Variants in SIL1 observed in about 807,000 individuals in gnomAD.
SIL1 encodes the protein SIL1 nucleotide exchange factor.
Under a neutral mutation model 49.1 loss-of-function variants are expected in SIL1, and 40 were observed. The observed-to-expected ratio is 0.81, with a 90% CI of 0.63 to 1.06. The LOEUF is 1.06. Among genes scored for constraint, SIL1 ranks in the 50% least tolerant of loss-of-function variants. SIL1 has a pLI of 0.00. For missense variants in SIL1, 500 were observed against 572.6 expected (o/e 0.87, Z 1.29); for synonymous variants, 253 against 250.8 (o/e 1.01, Z -0.08).
chr5:139,118,464 G>A (rs932845895), intron 3 of SIL1, among the ~76,000 whole-genome samples: 1 of 152,122 alleles, frequency 6.6e-6, no homozygotes, highest in African/African-American at 2.4e-5. Context: ...CAGCAGGCAG[G>A]GCAGGACACT....
Position 139,051,003 on chromosome 5 carries a change from C to A in SIL1, c.288G>T (p.Gln96His), listed in dbSNP as rs368830878. The A allele has an allele frequency of 5.0e-6, 8 of 1,614,162 alleles. No individual in the cohort carries two copies. The Admixed American group carries it at 1.0e-4, about 20-fold the overall frequency. Residue 96 changes from glutamine (Q) to histidine (H), a missense_variant, in exon 4 of 10, where the codon CAG becomes CAT. Gln to His is a conservative substitution (Grantham distance 24). Coordinates refer to ENST00000394817, the MANE Select transcript of SIL1 (RefSeq NM_022464.5). ...PAGSHVRLNL[Q>H]TGEREAKLQY... ...GGAGTTTTGCCTCTCTTTCCCCAGT[C>A]TGAAGATTCAGCCGTACGTGGGATC...
chr5:139,108,214 G>A (rs1483492795), intron 3 of SIL1: 1 of 152,098 alleles, frequency 6.6e-6, no homozygotes, highest in Non-Finnish European at 1.5e-5. Context: ...GCACCTTCCT[G>A]GATTAAGGGT....
chr5:138,946,940 CGGCCACAGGGCTGTGCCCA>C lies in SIL1; in HGVS notation c.*158_*176del, dbSNP rs1766641802. The C allele has an allele frequency of 1.5e-6, 1 of 645,554 alleles. No individual in the cohort carries two copies. 40.0% of individuals were successfully genotyped at this position (645,554 alleles called of 1,614,324 possible). A position where few individuals can be genotyped will look rare whatever the true frequency, so the allele number is the denominator to read the frequency against. Reference sequence around the variant, plus strand: ...TCACCCAACCACTCACCTGACCCCCCGGCCACAGGGCTGTGCCCAGTCTACACAGACACACAGCAGAAAG... The same window carrying C: ...TCACCCAACCACTCACCTGACCCCCCGTCTACACAGACACACAGCAGAAAG... On this transcript the variant is annotated 3_prime_UTR_variant, in exon 10 of 10. Coordinates refer to ENST00000394817, the MANE Select transcript of SIL1 (RefSeq NM_022464.5).
intron 1 of SIL1, among the ~76,000 whole-genome samples, chr5:139,192,756 G>T (rs1193510282): frequency 2.0e-5 from 3 of 152,002 alleles, no homozygotes; most frequent in African/African-American, 4.8e-5. Flanking sequence ...CCAGTACTTT[G>T]GGAGACCGAG....
At position 139,042,649 on chromosome 5, in the gene SIL1, C is replaced by G. The variant is rs142987777; in HGVS notation, c.424G>C (p.Ala142Pro). 2.4e-5 allele frequency: 39 copies of G among 1,614,030 alleles called. No homozygotes were observed. In the African/African-American group the frequency reaches 4.9e-4, roughly 20 times the overall value. The change falls in exon 5 of 10, where the codon GCA becomes CCA. Residue 142 changes from alanine (A) to proline (P), a missense_variant. Coordinates refer to ENST00000394817, the MANE Select transcript of SIL1 (RefSeq NM_022464.5). ...TCTTCCTTTGAACTCTCCATCTCTG[C>G]CCCCTCCTTGAATTTTGCCAGTGCA... The part of the protein sequence containing the change: ...KSALAKFKEG[A>P]EMESSKEDKA...
At chr5:139,132,934 T>G (rs1438701341) in intron 1 of SIL1, among the ~76,000 whole-genome samples, 1 of 152,050 alleles carries the variant, frequency 6.6e-6, no homozygotes, top group Non-Finnish European at 1.5e-5. Flanking sequence ...CTGGCATAAG[T>G]AAAGCCAAAG....
intron 1 of SIL1, among the ~76,000 whole-genome samples, chr5:139,197,268 C>CAAAAA (rs11363617): frequency 8.5e-5 from 5 of 58,810 alleles, no homozygotes; most frequent in African/African-American, 1.4e-4. Flanking sequence ...AACTCCGCCT[C>CAAAAA]AAAAAAAAAA....
At chr5:138,952,111 C>G (rs1766794122) in intron 7 of SIL1, among the ~76,000 whole-genome samples, 1 of 152,234 alleles carries the variant, frequency 6.6e-6, no homozygotes. Flanking sequence ...CCATGCCAGC[C>G]CCCACTCCCC....
intron 3 of SIL1, among the ~76,000 whole-genome samples, chr5:139,082,340 G>C (rs967325366): frequency 6.6e-6 from 1 of 152,168 alleles, no homozygotes; most frequent in African/African-American, 2.4e-5. Context: ...CTCTGTGTCT[G>C]AGCCAGTGTG....
chr5:139,191,212 ACT>A (rs1463475059), intron 1 of SIL1, among the ~76,000 whole-genome samples: 2 of 125,432 alleles, frequency 1.6e-5, no homozygotes, highest in Non-Finnish European at 3.3e-5. Flanking sequence ...TGACAGTGAG[ACT>A]CTGTCTCAAA....
At chr5:138,994,774 G>T (rs922979725) in intron 7 of SIL1, among the ~76,000 whole-genome samples, 2 of 152,136 alleles carry the variant, frequency 1.3e-5, no homozygotes, top group African/African-American at 4.8e-5. Context: ...TGCCATGGTG[G>T]TTTGCTGCAC....
intron 3 of SIL1, among the ~76,000 whole-genome samples, chr5:139,052,183 G>A (rs911098606): frequency 3.3e-5 from 5 of 151,496 alleles, no homozygotes; most frequent in Non-Finnish European, 7.4e-5. Context: ...ACCAGTTCTC[G>A]CAATTCTGGG....
At position 139,172,768 on chromosome 5, in the gene SIL1, C is replaced by T. The variant is rs145887718; in HGVS notation, c.-11+25501G>A. Among the ~76,000 whole-genome samples, 126 of 152,292 alleles carry T rather than the reference C, an allele frequency of 8.3e-4. 1 individual carries two copies. Among genetic ancestry groups the T allele is most frequent in the Middle Eastern group, 3.4e-3 (1 of 294 alleles). On this transcript the variant is annotated intron_variant, in intron 1 of 9. Transcript: ENST00000394817. ...AGGGACCCACTCCCAAGATGGCAGC[C>T]GCAATGGCTGCCAGCTGTTGCGGCC...
intron 1 of SIL1, among the ~76,000 whole-genome samples, chr5:139,185,371 G>GTA (rs1376257306): frequency 3.9e-5 from 6 of 152,306 alleles, no homozygotes; most frequent in Admixed American, 1.3e-4. Context: ...TTAAAGGAAT[G>GTA]TATAGCTCAC....
intron 3 of SIL1, 56 bp downstream of exon 3, chr5:139,120,979 A>T (rs1002169961): frequency 1.9e-6 from 3 of 1,607,960 alleles, no homozygotes; most frequent in African/African-American, 2.7e-5. Context: ...GGGACAAAGG[A>T]CATATGCAGT....
intron 3 of SIL1, among the ~76,000 whole-genome samples, chr5:139,119,322 C>T (rs1750557744): frequency 6.6e-6 from 1 of 152,120 alleles, no homozygotes; most frequent in Non-Finnish European, 1.5e-5. Flanking sequence ...AGGGTCAGAA[C>T]CATCAACATC....
At chr5:139,097,798 T>C (rs1770503496) in intron 3 of SIL1, among the ~76,000 whole-genome samples, 1 of 152,160 alleles carries the variant, frequency 6.6e-6, no homozygotes, top group East Asian at 1.9e-4. Context: ...AGCATTTCTA[T>C]ATGCCAACAG....
intron 1 of SIL1, among the ~76,000 whole-genome samples, chr5:139,174,437 C>T (rs1017194089): frequency 3.7e-4 from 56 of 152,022 alleles, no homozygotes; most frequent in East Asian, 2.3e-3. Context: ...GTCATGACTA[C>T]GCCACCAAAC....
intron 1 of SIL1, among the ~76,000 whole-genome samples, chr5:139,166,994 A>AC (rs1277796430): frequency 2.6e-5 from 4 of 152,012 alleles, no homozygotes; most frequent in African/African-American, 9.7e-5. Flanking sequence ...TTGTATTTTT[A>AC]GTAGAGACGG....
Sources: gnomAD v4.1 joint callset for allele counts (sites outside exome capture counted in the v4.1 genomes callset) on GRCh38, gnomAD v4.1.1 for gene constraint, MANE v1.5 for transcripts, NCBI Gene and HGNC (gene_info 2026-07-23, HGNC 2026-07-21) for gene names.